The following IFT172 variants were observed in gnomAD, a reference collection of about 807,000 sequenced individuals.
IFT172 encodes the protein intraflagellar transport protein 172 homolog.
Under a neutral mutation model 248.9 loss-of-function variants are expected in IFT172, and 164 were observed. The ratio of observed to expected loss-of-function variants is 0.66; its 90% CI spans 0.58 to 0.75. IFT172 has a LOEUF of 0.75. Ranked by LOEUF, IFT172 falls within the 30% of genes least tolerant of loss-of-function variation. The pLI is 0.00. For synonymous variants in IFT172, 729 were observed against 791.6 expected (o/e 0.92, Z 1.33); for missense variants, 1,950 against 2,192.4 (o/e 0.89, Z 2.21).
Position 27,444,411 on chromosome 2 carries a change from A to ACTC in IFT172, c.*18_*20dup. On this transcript the variant is annotated 3_prime_UTR_variant, in exon 48 of 48. Coordinates refer to ENST00000260570, the MANE Select transcript of IFT172 (RefSeq NM_015662.3). ...AAACTTTAATGAGGGAGAGGCCCTA[A>ACTC]CTCTTCCTCAGCTCTACCAACTACT... 1 of 1,517,110 alleles carries ACTC rather than the reference A, an allele frequency of 6.6e-7. No individual in the cohort carries two copies. Among genetic ancestry groups the ACTC allele is most frequent in the Non-Finnish European group, 9.1e-7 (1 of 1,095,042 alleles). The allele number at this position is 1,517,110 out of a possible 1,614,324, so 94.0% of individuals were successfully genotyped here.
At chr2:27,480,893 T>C (rs1471373214) in intron 8 of IFT172, among the ~76,000 whole-genome samples, 153 bp downstream of exon 8, 2 of 152,124 alleles carry the variant, frequency 1.3e-5, no homozygotes, top group Non-Finnish European at 2.9e-5. Flanking sequence ...AGCACACCAA[T>C]GGATAGCGGG....
At chr2:27,467,418 G>GGA (rs1558391401) in intron 16 of IFT172, among the ~76,000 whole-genome samples, 4 of 16,424 alleles carry the variant, frequency 2.4e-4, no homozygotes, top group Non-Finnish European at 3.2e-4. Flanking sequence ...ACAGAAAATT[G>GGA]AAAAAAAAAA....
Position 27,453,442 on chromosome 2 carries a change from C to T in IFT172, c.3893G>A (p.Cys1298Tyr). ...QAGEYSRAVD[C>Y]YLKVRDSGNS... ...TCCAGAGTCTCGCACTTTGAGGTAGCAGTCCACGGCACGGCTGTACTCTCC... is the reference window on the plus strand; with the variant it reads ...TCCAGAGTCTCGCACTTTGAGGTAGTAGTCCACGGCACGGCTGTACTCTCC... The change falls in exon 35 of 48, where the codon TGC becomes TAC. Residue 1298 changes from cysteine to tyrosine, a missense_variant. Transcript: ENST00000260570. 3.7e-6 allele frequency: 6 copies of T among 1,614,228 alleles called. No homozygotes were observed. The highest frequency in any genetic ancestry group is 5.1e-6 in the Non-Finnish European group (6 of 1,180,036).
intron 7 of IFT172, 99 bp downstream of exon 7, chr2:27,483,189 GT>G (rs1161891676): frequency 4.1e-6 from 3 of 731,314 alleles, no homozygotes; most frequent in Admixed American, 4.5e-5. Flanking sequence ...TTTATTTTTT[GT>G]TTTTTTGGTA....
rs1558347706 is a variant in IFT172 at position 27,444,961 on chromosome 2, C to CT, written c.5160+52dup. On this transcript the variant is annotated intron_variant, in intron 47 of 47. Transcript: ENST00000260570. Reference sequence around the variant, plus strand: ...ACTGCACCCAGACTTGTTTTTTTTTCTTTTTTTAGTGCTGCCCTCTCTGCC... The same window carrying CT: ...ACTGCACCCAGACTTGTTTTTTTTTCTTTTTTTTAGTGCTGCCCTCTCTGCC... 3.9e-6 allele frequency: 6 copies of CT among 1,531,906 alleles called. No homozygotes were observed. In the East Asian group the frequency reaches 1.2e-4, roughly 30 times the overall value. 94.9% of individuals were successfully genotyped at this position (1,531,906 alleles called of 1,614,324 possible). A position where few individuals can be genotyped will look rare whatever the true frequency, so the allele number is the denominator to read the frequency against.
chr2:27,457,701 G>T lies in IFT172; in HGVS notation c.3166C>A (p.Gln1056Lys). 6.2e-7 allele frequency: 1 copy of T among 1,614,170 alleles called. No homozygotes were observed. The highest frequency in any genetic ancestry group is 8.5e-7 in the Non-Finnish European group (1 of 1,180,032). Reference protein sequence around the residue: ...QEAEYHYLEAQEWKATVNMYR... With the variant: ...QEAEYHYLEAKEWKATVNMYR... ...ATGTTCACTGTTGCCTTCCATTCCT[G>T]GGCCTCGAGGTAGTGGTACTCAGCC... Residue 1056 changes from glutamine (Q) to lysine (K), a missense_variant, in exon 29 of 48, where the codon CAG (glutamine) becomes AAG (lysine). Gln to Lys is a moderately conservative substitution (Grantham distance 53, BLOSUM62 1). Around this residue, in one of 3 missense-constraint regions of IFT172, gnomAD observed 164 missense variants for 239.3 expected, o/e 0.69. Coordinates refer to ENST00000260570, the MANE Select transcript of IFT172 (RefSeq NM_015662.3).
At chr2:27,485,894 TGA>T (rs1020379976) in intron 1 of IFT172, among the ~76,000 whole-genome samples, 1 of 152,222 alleles carries the variant, frequency 6.6e-6, no homozygotes, top group African/African-American at 2.4e-5. Flanking sequence ...GGCCAGGGGC[TGA>T]GAGAGAGACA....
In IFT172 at chr2:27,478,054, C is replaced by G. The variant is rs1186256423; in HGVS notation, c.1108G>C (p.Val370Leu). 1 of 1,614,194 alleles carries G rather than the reference C, an allele frequency of 6.2e-7. No homozygotes were observed. Among genetic ancestry groups the G allele is most frequent in the Non-Finnish European group, 8.5e-7 (1 of 1,180,044 alleles). The change falls in exon 11 of 48, where the codon GTG becomes CTG. Residue 370 changes from valine to leucine, a missense_variant. Coordinates refer to ENST00000260570, the MANE Select transcript of IFT172 (RefSeq NM_015662.3). ...AGCAGTGTTTCTGATGTGTGAGCCA[C>G]CAAGTAACGTTCCTTTCCTAGGATT... The part of the protein sequence containing the change: ...VKILGKERYL[V>L]AHTSETLLLG...
At chr2:27,465,633 C>T (rs1667031685) in intron 17 of IFT172, 113 bp downstream of exon 17, 1 of 1,541,958 alleles carries the variant, frequency 6.5e-7, no homozygotes, top group African/African-American at 1.4e-5. Context: ...TCATCTCCTC[C>T]CAGGATCACT....
In IFT172 at chr2:27,454,736, A is replaced by G; in HGVS notation, c.3372-76T>C. 1 of 1,276,976 alleles carries G rather than the reference A, an allele frequency of 7.8e-7. No homozygotes were observed. The highest frequency in any genetic ancestry group is 1.1e-6 in the Non-Finnish European group (1 of 885,908). The allele number at this position is 1,276,976 out of a possible 1,614,324, so 79.1% of individuals were successfully genotyped here. A position where few individuals can be genotyped will look rare whatever the true frequency, so the allele number is the denominator to read the frequency against. ...AAAAGGAACAAGACAAAACAGAGAA[A>G]GGACAGAGTTGAGGGGAGAAAAAGT... is the stretch of plus-strand genomic sequence containing the variant. On this transcript the variant is annotated intron_variant, in intron 30 of 47. Transcript: ENST00000260570. The surrounding 1 kb of genome is among the most constrained non-coding windows in gnomAD (Gnocchi z 4.2).
rs1243938107 is a variant in IFT172, at chr2:27,449,547, C to G, written c.4176G>C (p.Val1392=). The change falls in exon 38 of 48, where the codon GTG becomes GTC. Residue 1392 remains valine, a synonymous_variant. Coordinates refer to ENST00000260570, the MANE Select transcript of IFT172 (RefSeq NM_015662.3). ...TGAGGAACTCTTTATAATGCTGGTC[C>G]ACATAGTCTTCATACCTGTGAAGAT... is the stretch of plus-strand genomic sequence containing the variant. ...KELDPRYEDY[V]DQHYKEFLKN... is the part of the protein sequence containing the mutation. 1 of 1,614,178 alleles carries G rather than the reference C, an allele frequency of 6.2e-7. No individual in the cohort carries two copies. The highest frequency in any genetic ancestry group is 8.5e-7 in the Non-Finnish European group (1 of 1,180,038).
At chr2:27,449,930 G>A in intron 36 of IFT172, 68 bp downstream of exon 36, 1 of 1,456,222 alleles carries the variant, frequency 6.9e-7, no homozygotes, top group Non-Finnish European at 9.6e-7. Flanking sequence ...ACCTTCCTGG[G>A]TGTAGATGTC....
At position 27,464,944 on chromosome 2, in the gene IFT172, C is replaced by A. The variant is rs1234665785; in HGVS notation, c.1937+467G>T. Among the ~76,000 whole-genome samples the A allele has an allele frequency of 2.1e-5, 3 of 139,788 alleles. No individual in the cohort carries two copies. In the East Asian group the frequency reaches 6.1e-4, roughly 29 times the overall value. 91.7% of individuals were successfully genotyped at this position (139,788 alleles called of 152,430 possible). Reference sequence around the variant, plus strand: ...AGACATATTTTTTTTTTTTTTGAGACAGAGTCTTGCTCTGTCACCCAGGCT... The same window carrying A: ...AGACATATTTTTTTTTTTTTTGAGAAAGAGTCTTGCTCTGTCACCCAGGCT... On this transcript the variant is annotated intron_variant, in intron 18 of 47. Transcript: ENST00000260570.
At chr2:27,455,703 T>A (rs921490477) in intron 30 of IFT172, 1 of 328,830 alleles carries the variant, frequency 3.0e-6, no homozygotes, top group Admixed American at 4.3e-5. Context: ...AGAGCGAGAC[T>A]CTGTCTCAGA....
chr2:27,484,194 T>C (rs753735546), intron 4 of IFT172, 33 bp downstream of exon 4: 80 of 1,613,656 alleles, frequency 5.0e-5, no homozygotes, highest in Non-Finnish European at 6.7e-5. Flanking sequence ...TGTTTGTTCA[T>C]CCTAAGGTTC....
intron 2 of IFT172, 84 bp from the exon 3 acceptor site, chr2:27,485,214 GCTC>G: frequency 7.0e-7 from 1 of 1,429,642 alleles, no homozygotes; most frequent in Non-Finnish European, 9.7e-7. Flanking sequence ...GCATATGTGT[GCTC>G]CTAAGGGAGC....
chr2:27,489,564 T>A, intron 1 of IFT172, 51 bp downstream of exon 1: 1 of 1,458,530 alleles, frequency 6.9e-7, no homozygotes, highest in Admixed American at 1.7e-5. Context: ...TTCCCCCACT[T>A]TTCTTGGAAC....
intron 35 of IFT172, among the ~76,000 whole-genome samples, chr2:27,451,981 G>A (rs972173443): frequency 8.8e-5 from 10 of 114,122 alleles, no homozygotes; most frequent in African/African-American, 3.1e-4. Context: ...ATATATGTAT[G>A]TGTGTGTGTA....
At position 27,445,620 on chromosome 2, in the gene IFT172, TCTA is replaced by T. The variant is rs1460122979; in HGVS notation, c.4914+122_4914+124del. On this transcript the variant is annotated intron_variant, in intron 45 of 47. Transcript: ENST00000260570. This position sits in a 1 kb window ranked among gnomAD's most constrained non-coding sequence, Gnocchi z 4.4. ...CACAGCCTTTTCTTTCTATTTTGCTTCTACTTTCACTGAAAAAACAGTGAGGGC... is the reference window on the plus strand; with the variant it reads ...CACAGCCTTTTCTTTCTATTTTGCTTCTTTCACTGAAAAAACAGTGAGGGC... The T allele has an allele frequency of 2.2e-6, 3 of 1,355,570 alleles. No homozygotes were observed. Among genetic ancestry groups the T allele is most frequent in the African/African-American group, 1.5e-5 (1 of 68,666 alleles). 84.0% of individuals were successfully genotyped at this position (1,355,570 alleles called of 1,614,324 possible). A position where few individuals can be genotyped will look rare whatever the true frequency, so the allele number is the denominator to read the frequency against.
Sources: gnomAD v4.1 joint callset for allele counts (sites outside exome capture counted in the v4.1 genomes callset) on GRCh38, gnomAD v4.1.1 for gene constraint, gnomAD v4.1.1 regional missense constraint, Gnocchi (gnomAD v3.1) non-coding constraint, MANE v1.5 for transcripts, NCBI Gene and HGNC (gene_info 2026-07-23, HGNC 2026-07-21) for gene names.